Variants in EP400 observed in about 807,000 individuals in gnomAD.
The protein encoded by EP400 is E1A-binding protein p400.
In EP400, 105 loss-of-function variants were observed where a neutral mutation model predicts 354.1. That is an observed-to-expected ratio of 0.30 (90% confidence interval 0.25 to 0.35). EP400 has a LOEUF of 0.35. EP400 is among the 10% of genes least tolerant of loss of function. The pLI is 1.00. For missense variants in EP400, 3,280 were observed against 4,121.0 expected (o/e 0.80, Z 5.59); for synonymous variants, 1,646 against 1,716.9 (o/e 0.96, Z 1.02).
chr12:131,990,604 A>G lies in EP400; in HGVS notation c.2551-32A>G, dbSNP rs745777857. ...ACGTCTGTAATTCCCATCCTTAGTA[A>G]TGTGCTTATTCATTTAATCCTTTGC... On this transcript the variant is annotated intron_variant, in intron 8 of 52. Coordinates refer to ENST00000389561, the MANE Select transcript of EP400 (RefSeq NM_015409.5). This position sits in a 1 kb window ranked among gnomAD's most constrained non-coding sequence, Gnocchi z 4.2. 3 of 1,483,570 alleles carry G rather than the reference A, an allele frequency of 2.0e-6. No homozygotes were observed. In the East Asian group the frequency reaches 6.8e-5, roughly 33 times the overall value. 91.9% of individuals were successfully genotyped at this position (1,483,570 alleles called of 1,614,324 possible). A position where few individuals can be genotyped will look rare whatever the true frequency, so the allele number is the denominator to read the frequency against.
At chr12:132,015,218 CA>C (rs1893889877) in intron 19 of EP400, among the ~76,000 whole-genome samples, 1 of 152,232 alleles carries the variant, frequency 6.6e-6, no homozygotes, top group African/African-American at 2.4e-5. Context: ...TGACACAGTA[CA>C]ACCGTCCTTT....
chr12:131,990,586 TAA>T lies in EP400; in HGVS notation c.2551-49_2551-48del. On this transcript the variant is annotated intron_variant, in intron 8 of 52. Transcript: ENST00000389561. The surrounding 1 kb of genome is among the most constrained non-coding windows in gnomAD (Gnocchi z 4.2). ...TAGTGTTTTGTATGCAGAACGTCTG[TAA>T]TTCCCATCCTTAGTAATGTGCTTAT... The T allele has an allele frequency of 2.2e-6, 3 of 1,385,692 alleles. No homozygotes were observed. The highest frequency in any genetic ancestry group is 3.0e-6 in the Non-Finnish European group (3 of 988,440). 85.8% of individuals were successfully genotyped at this position (1,385,692 alleles called of 1,614,324 possible). A position where few individuals can be genotyped will look rare whatever the true frequency, so the allele number is the denominator to read the frequency against.
chr12:131,964,862 A>G (rs986161471), intron 2 of EP400, among the ~76,000 whole-genome samples: 1 of 152,254 alleles, frequency 6.6e-6, no homozygotes, highest in Non-Finnish European at 1.5e-5. Context: ...CATAGTTTAT[A>G]TTCAAATTTC....
intron 1 of EP400, among the ~76,000 whole-genome samples, chr12:131,956,723 C>A (rs879591972): frequency 6.6e-6 from 1 of 152,034 alleles, no homozygotes; most frequent in Non-Finnish European, 1.5e-5. Context: ...TAGTGGAGTG[C>A]CAGTTGTCTG....
chr12:131,978,055 G>C (rs1892543607), intron 2 of EP400, among the ~76,000 whole-genome samples: 1 of 152,222 alleles, frequency 6.6e-6, no homozygotes, highest in Non-Finnish European at 1.5e-5. Context: ...GGCAAGGATG[G>C]TGACCAGATG....
rs762116055 is a variant in EP400 at position 131,960,942 on chromosome 12, C to T, written c.323C>T (p.Ala108Val). The change falls in exon 2 of 53, where the codon GCT becomes GTT. Residue 108 changes from alanine (A) to valine (V), a missense_variant. Transcript: ENST00000389561. Reference sequence around the variant, plus strand: ...ACCTCTCCAGGCTTCCAGTTCAGCGCTCAGCCTCGGCGGTTTGAGCATGGG... The same window carrying T: ...ACCTCTCCAGGCTTCCAGTTCAGCGTTCAGCCTCGGCGGTTTGAGCATGGG... ...SPTSPGFQFS[A>V]QPRRFEHGSP... 37 of 1,613,362 alleles carry T rather than the reference C, an allele frequency of 2.3e-5. No homozygotes were observed. In the Middle Eastern group the frequency reaches 2.6e-3, roughly 114 times the overall value.
At position 132,006,367 on chromosome 12, in the gene EP400, G is replaced by A. The variant is rs1414505025; in HGVS notation, c.3126+65G>A. 14 of 1,534,664 alleles carry A rather than the reference G, an allele frequency of 9.1e-6. No homozygotes were observed. In the South Asian group the frequency reaches 1.6e-4, roughly 17 times the overall value. On this transcript the variant is annotated intron_variant, in intron 14 of 52. Transcript: ENST00000389561. The stretch of plus-strand genomic sequence containing the variant: ...GAGACAGAGCACATAGCTTAGCCAT[G>A]AGAAAAGCTTTTCCTCTTCCCAGTG...
At position 132,029,813 on chromosome 12, in the gene EP400, C is replaced by T. The variant is rs1488446884; in HGVS notation, c.5494C>T (p.His1832Tyr). 3.7e-6 allele frequency: 6 copies of T among 1,613,436 alleles called. No homozygotes were observed. The East Asian group carries it at 1.3e-4, about 36-fold the overall frequency. ...GATCTTGAGGCAGGGCCTGAGAGAGCACGCTGCGCCGTACTTCCAGCAGCT... is the reference window on the plus strand; with the variant it reads ...GATCTTGAGGCAGGGCCTGAGAGAGTACGCTGCGCCGTACTTCCAGCAGCT... ...MRILRQGLRE[H>Y]AAPYFQQLRQ... is the part of the protein sequence containing the mutation. The change falls in exon 28 of 53, where the codon CAC (histidine) becomes TAC (tyrosine). Residue 1832 changes from histidine (H) to tyrosine (Y), a missense_variant. By Grantham distance (83) the His-to-Tyr change is moderately conservative (BLOSUM62 2). Around this residue, in one of 20 missense-constraint regions of EP400, gnomAD observed 459 missense variants for 496.9 expected, o/e 0.92. Coordinates refer to ENST00000389561, the MANE Select transcript of EP400 (RefSeq NM_015409.5). The surrounding 1 kb of genome is among the most constrained non-coding windows in gnomAD (Gnocchi z 4.7).
rs189423713 is a variant in EP400 at position 132,044,709 on chromosome 12, C to G, written c.6624C>G (p.Val2208=). Residue 2208 remains valine (V), a synonymous_variant, in exon 36 of 53, where the codon GTC becomes GTG. Coordinates refer to ENST00000389561, the MANE Select transcript of EP400 (RefSeq NM_015409.5). ...AAGATGTCGATGGGCAGACAGAAGTCATGCCGGTGAGTGCTGCCCTCTCCC... is the reference window on the plus strand; with the variant it reads ...AAGATGTCGATGGGCAGACAGAAGTGATGCCGGTGAGTGCTGCCCTCTCCC... The part of the protein sequence containing the change: ...VYEDVDGQTE[V]MPLWTPPTPP... The G allele has an allele frequency of 6.2e-7, 1 of 1,614,216 alleles. No homozygotes were observed. Among genetic ancestry groups the G allele is most frequent in the Non-Finnish European group, 8.5e-7 (1 of 1,180,052 alleles).
chr12:132,044,507 T>C (rs1280969477), intron 35 of EP400, among the ~76,000 whole-genome samples, 164 bp from the exon 36 acceptor site: 1 of 152,142 alleles, frequency 6.6e-6, no homozygotes, highest in African/African-American at 2.4e-5. Context: ...AGATTGTCAG[T>C]TAGATATTGA....
chr12:131,987,026 G>A (rs1892877946), intron 6 of EP400, among the ~76,000 whole-genome samples: 2 of 152,174 alleles, frequency 1.3e-5, no homozygotes, highest in Admixed American at 1.3e-4. Flanking sequence ...GCAGTCTTGG[G>A]CTGCTTTCAT....
chr12:132,010,141 G>A (rs1893718308), intron 15 of EP400, among the ~76,000 whole-genome samples: 1 of 137,698 alleles, frequency 7.3e-6, no homozygotes, highest in Admixed American at 7.7e-5. Context: ...TGGATGGATT[G>A]CAGTGGCGTG....
chr12:131,950,299 C>T (rs1348415263), intron 1 of EP400, among the ~76,000 whole-genome samples: 2 of 152,064 alleles, frequency 1.3e-5, no homozygotes, highest in Admixed American at 6.5e-5. Flanking sequence ...TTCTCGTGGC[C>T]CCCCGGGCTC....
Position 132,025,668 on chromosome 12 carries a change from C to T in EP400, c.4878C>T (p.Ser1626=), listed in dbSNP as rs147443434. 28 of 1,608,334 alleles carry T rather than the reference C, an allele frequency of 1.7e-5. No individual in the cohort carries two copies. Among genetic ancestry groups the T allele is most frequent in the Middle Eastern group, 3.3e-4 (2 of 6,038 alleles). ...CAGGCAGCGTCCTCCAGATCGTGTC[C>T]GCCCCCGGGCAGCCCTACCTTCGAG... is the stretch of plus-strand genomic sequence containing the variant. ...QLQGSVLQIV[S]APGQPYLRAP... The change falls in exon 25 of 53, where the codon TCC becomes TCT. Residue 1626 remains serine, a synonymous_variant. Transcript: ENST00000389561. This position sits in a 1 kb window ranked among gnomAD's most constrained non-coding sequence, Gnocchi z 4.1.
rs763433960 is a variant in EP400, at chr12:132,030,129, G to A, written c.5725G>A (p.Asp1909Asn). The change falls in exon 29 of 53, where the codon GAT (aspartate) becomes AAT (asparagine). Residue 1909 changes from aspartate to asparagine, a missense_variant. By Grantham distance (23) the Asp-to-Asn change is conservative. Around this residue, in one of 20 missense-constraint regions of EP400, gnomAD observed 459 missense variants for 496.9 expected, o/e 0.92. Coordinates refer to ENST00000389561, the MANE Select transcript of EP400 (RefSeq NM_015409.5). Reference sequence around the variant, plus strand: ...CCATTACCTCACCTATGTAAGAATCGATGAAAATGCCAGCAGTGAGCAACG... The same window carrying A: ...CCATTACCTCACCTATGTAAGAATCAATGAAAATGCCAGCAGTGAGCAACG... The part of the protein sequence containing the change: ...NFHYLTYVRI[D>N]ENASSEQRQE... 49 of 1,614,178 alleles carry A rather than the reference G, an allele frequency of 3.0e-5. No individual in the cohort carries two copies. The highest frequency in any genetic ancestry group is 4.2e-5 in the Non-Finnish European group (49 of 1,180,022).
In EP400 at chr12:132,070,519, C is replaced by T. The variant is rs922564648; in HGVS notation, c.9021+878C>T. Among the ~76,000 whole-genome samples the T allele has an allele frequency of 3.3e-5, 5 of 152,270 alleles. No homozygotes were observed. The highest frequency in any genetic ancestry group is 3.2e-3 in the Middle Eastern group (1 of 316). ...GTCTGGAGGGCGAGTCCCCCTACCA[C>T]ACCCTTCCTTGGGTGTAGCGTGCCT... On this transcript the variant is annotated intron_variant, in intron 51 of 52. Transcript: ENST00000389561. This position sits in a 1 kb window ranked among gnomAD's most constrained non-coding sequence, Gnocchi z 4.1.
chr12:132,024,017 C>T, intron 24 of EP400, 76 bp downstream of exon 24: 1 of 1,414,046 alleles, frequency 7.1e-7, no homozygotes, highest in Non-Finnish European at 9.3e-7. Flanking sequence ...TGCCCACGGG[C>T]CTGCCTTGTG....
rs200920593 is a variant in EP400 at position 132,062,308 on chromosome 12, C to T, written c.8083C>T (p.Pro2695Ser). ...GCAGACCCCGGCACGGTCTTTGGTG[C>T]CCCAAGTGTCCCAAGGTAAAGCCAG... The part of the protein sequence containing the change: ...PVQTPARSLV[P>S]QVSQATGVQL... The change falls in exon 46 of 53, where the codon CCC (proline) becomes TCC (serine). Residue 2695 changes from proline (P) to serine (S), a missense_variant. By Grantham distance (74) the Pro-to-Ser change is moderately conservative. This residue lies in a region of EP400 where 255 missense variants were observed against 295.9 expected (regional missense o/e 0.86). Transcript: ENST00000389561. The T allele has an allele frequency of 3.3e-5, 53 of 1,614,062 alleles. No individual in the cohort carries two copies. In the African/African-American group the frequency reaches 6.3e-4, roughly 19 times the overall value.
chr12:132,074,117 G>T (rs575196058), intron 51 of EP400, among the ~76,000 whole-genome samples: 2 of 151,710 alleles, frequency 1.3e-5, no homozygotes, highest in East Asian at 3.9e-4. Context: ...TAGAGGTGGG[G>T]TTTCACCATG....
Sources: allele counts gnomAD v4.1 joint callset (sites outside exome capture counted in the v4.1 genomes callset), GRCh38; gene constraint gnomAD v4.1.1; regional missense constraint gnomAD v4.1.1; non-coding constraint Gnocchi (gnomAD v3.1); transcripts MANE v1.5; gene names NCBI Gene and HGNC (gene_info 2026-07-23, HGNC 2026-07-21).